CDC42BPA: variants seen among roughly 807,000 people sequenced by gnomAD.
CDC42BPA encodes CDC42 binding protein kinase alpha, also known as serine/threonine-protein kinase MRCK alpha.
CDC42BPA carries 80 observed loss-of-function variants against 223.5 expected under a neutral mutation model. The ratio of observed to expected loss-of-function variants is 0.36; its 90% CI spans 0.30 to 0.43. CDC42BPA has a LOEUF of 0.43. CDC42BPA is among the 20% of genes least tolerant of loss of function. The pLI is 1.00. For missense variants in CDC42BPA, 1,743 were observed against 2,099.9 expected (o/e 0.83, Z 3.32); for synonymous variants, 694 against 718.6 (o/e 0.97, Z 0.55).
chr1:227,109,756 G>A (rs1686597793), intron 14 of CDC42BPA, among the ~76,000 whole-genome samples: 1 of 151,092 alleles, frequency 6.6e-6, no homozygotes, highest in Non-Finnish European at 1.5e-5. Context: ...TAAAAATTAA[G>A]ACACAAACAC....
intron 22 of CDC42BPA, among the ~76,000 whole-genome samples, chr1:227,050,495 C>T (rs1929867): frequency 0.13 from 19,645 of 152,090 alleles, 1,343 homozygotes; most frequent in East Asian, 0.26. Context: ...TTTGCAAAAA[C>T]AGATATTAGG....
In CDC42BPA at chr1:226,994,794, A is replaced by T; in HGVS notation, c.5133+29T>A. On this transcript the variant is annotated intron_variant, in intron 36 of 36. Transcript: ENST00000366766. The surrounding 1 kb of genome is among the most constrained non-coding windows in gnomAD (Gnocchi z 4.0). ...GAAGATGCCCTAGTCTTTCTGATAC[A>T]TGACGTCTCCGGAACCCTGCCCACT... is the stretch of plus-strand genomic sequence containing the variant. 1 of 1,580,752 alleles carries T rather than the reference A, an allele frequency of 6.3e-7. No homozygotes were observed. Among genetic ancestry groups the T allele is most frequent in the South Asian group, 1.2e-5 (1 of 86,406 alleles).
intron 17 of CDC42BPA, among the ~76,000 whole-genome samples, chr1:227,079,978 G>C (rs1043113248): frequency 3.3e-5 from 5 of 151,172 alleles, no homozygotes; most frequent in African/African-American, 1.2e-4. Context: ...TAGCCTGAAG[G>C]TTAACTTTTT....
At chr1:227,020,806 T>G (rs1360314932) in intron 32 of CDC42BPA, among the ~76,000 whole-genome samples, 1 of 152,256 alleles carries the variant, frequency 6.6e-6, no homozygotes, top group Non-Finnish European at 1.5e-5. Flanking sequence ...GAGGCCTAGC[T>G]TGCAGCCTAT....
chr1:227,137,482 T>C (rs1395012186), intron 10 of CDC42BPA, among the ~76,000 whole-genome samples: 3 of 152,066 alleles, frequency 2.0e-5, no homozygotes, highest in East Asian at 3.8e-4. Context: ...AATCCTCTAC[T>C]ATATGGCCCA....
intron 15 of CDC42BPA, among the ~76,000 whole-genome samples, chr1:227,095,491 T>C (rs971385975): frequency 1.3e-5 from 2 of 152,130 alleles, no homozygotes; most frequent in Non-Finnish European, 2.9e-5. Flanking sequence ...AAAATGATAG[T>C]TCTGTGGATC....
At chr1:227,244,262 T>C (rs1680513848) in intron 2 of CDC42BPA, among the ~76,000 whole-genome samples, 1 of 152,090 alleles carries the variant, frequency 6.6e-6, no homozygotes, top group Admixed American at 6.6e-5. Flanking sequence ...CCAAAAACCA[T>C]AAACAACTTG....
rs1039074923 is a variant in CDC42BPA, at chr1:227,059,454, C to T, written c.2905-7469G>A. On this transcript the variant is annotated intron_variant, in intron 21 of 36. Transcript: ENST00000366766. Reference sequence around the variant, plus strand: ...GAATAGGACATGTTACAAATATTTACACACATAAGACTCTCAAGGACTACT... The same window carrying T: ...GAATAGGACATGTTACAAATATTTATACACATAAGACTCTCAAGGACTACT... The T allele has an allele frequency of 1.1e-5, 17 of 1,497,194 alleles. No individual in the cohort carries two copies. In the Admixed American group the frequency reaches 1.4e-4, roughly 12 times the overall value. 92.7% of individuals were successfully genotyped at this position (1,497,194 alleles called of 1,614,324 possible).
At chr1:227,146,134 G>A (rs1183740102) in intron 7 of CDC42BPA, among the ~76,000 whole-genome samples, 3 of 152,030 alleles carry the variant, frequency 2.0e-5, no homozygotes, top group Non-Finnish European at 4.4e-5. Context: ...GACATAATAT[G>A]TATCTGACAC....
chr1:227,140,031 T>A (rs10916091), intron 9 of CDC42BPA, among the ~76,000 whole-genome samples: 1 of 152,104 alleles, frequency 6.6e-6, no homozygotes, highest in Non-Finnish European at 1.5e-5. Flanking sequence ...ATTATAAAAT[T>A]AAGTTTGCTG....
intron 5 of CDC42BPA, among the ~76,000 whole-genome samples, chr1:227,184,791 G>C (rs73090612): frequency 0.16 from 24,436 of 152,028 alleles, 2,473 homozygotes; most frequent in African/African-American, 0.28. Flanking sequence ...TAAAGACTAA[G>C]TCTGTAGATC....
chr1:227,031,233 A>G, intron 28 of CDC42BPA, 65 bp downstream of exon 28: 1 of 1,297,068 alleles, frequency 7.7e-7, no homozygotes, highest in Non-Finnish European at 1.1e-6. Context: ...ATGAAAGCCA[A>G]TCCCTGTTCT....
chr1:227,221,572 A>G (rs1303133180), intron 2 of CDC42BPA, among the ~76,000 whole-genome samples: 5 of 138,064 alleles, frequency 3.6e-5, no homozygotes, highest in Non-Finnish European at 7.7e-5. Flanking sequence ...CTAGTTCAAG[A>G]CCTCATTATT....
intron 15 of CDC42BPA, among the ~76,000 whole-genome samples, chr1:227,096,647 G>A (rs11578904): frequency 1.6e-3 from 248 of 152,274 alleles, no homozygotes; most frequent in Non-Finnish European, 2.8e-3. Flanking sequence ...TGACTTCAGG[G>A]ATCCCATGCT....
At chr1:227,156,817 T>C (rs766025069) in intron 6 of CDC42BPA, among the ~76,000 whole-genome samples, 6 of 152,154 alleles carry the variant, frequency 3.9e-5, no homozygotes, top group Non-Finnish European at 8.8e-5. Flanking sequence ...GGAGAATCAC[T>C]AGCTCTCTCC....
chr1:227,056,926 A>G (rs1218641194), intron 21 of CDC42BPA, among the ~76,000 whole-genome samples: 2 of 152,200 alleles, frequency 1.3e-5, no homozygotes, highest in Non-Finnish European at 2.9e-5. Flanking sequence ...CAAATGACTA[A>G]AGGTTGTGAC....
intron 35 of CDC42BPA, among the ~76,000 whole-genome samples, chr1:226,995,554 T>A (rs1661444511): frequency 6.6e-6 from 1 of 152,090 alleles, no homozygotes; most frequent in South Asian, 2.1e-4. Context: ...TCTAGAAAAT[T>A]TTCATAAAAC....
rs1212506193 is a variant in CDC42BPA, at chr1:227,234,930, C to T, written c.270+19134G>A. On this transcript the variant is annotated intron_variant, in intron 2 of 36. Transcript: ENST00000366766. ...TTTTGTGATTTTTTTTTTTTTTTAGCTCATTAGCTATCGTTAGTGTTAGTG... is the reference window on the plus strand; with the variant it reads ...TTTTGTGATTTTTTTTTTTTTTTAGTTCATTAGCTATCGTTAGTGTTAGTG... The T allele has an allele frequency of 2.4e-4, 35 of 146,482 alleles. 1 individual carries two copies. Among genetic ancestry groups the T allele is most frequent in the Admixed American group, 2.2e-3 (32 of 14,750 alleles). 9.1% of individuals were successfully genotyped at this position (146,482 alleles called of 1,614,324 possible). A position where few individuals can be genotyped will look rare whatever the true frequency, so the allele number is the denominator to read the frequency against.
In CDC42BPA at chr1:226,994,671, G is replaced by T; in HGVS notation, c.5133+152C>A. Reference sequence around the variant, plus strand: ...GAAAACTGCAGTTTGCAGCCCGAGTGACTGGCCTAGCTGCCCGCTGGCCAA... The same window carrying T: ...GAAAACTGCAGTTTGCAGCCCGAGTTACTGGCCTAGCTGCCCGCTGGCCAA... On this transcript the variant is annotated intron_variant, in intron 36 of 36. Transcript: ENST00000366766. The surrounding 1 kb of genome is among the most constrained non-coding windows in gnomAD (Gnocchi z 4.0). 1 of 843,882 alleles carries T rather than the reference G, an allele frequency of 1.2e-6. No individual in the cohort carries two copies. Among genetic ancestry groups the T allele is most frequent in the Non-Finnish European group, 1.8e-6 (1 of 545,210 alleles). The allele number at this position is 843,882 out of a possible 1,614,324, so 52.3% of individuals were successfully genotyped here.
Sources: allele counts gnomAD v4.1 joint callset (sites outside exome capture counted in the v4.1 genomes callset), GRCh38; gene constraint gnomAD v4.1.1; non-coding constraint Gnocchi (gnomAD v3.1); transcripts MANE v1.5; gene names NCBI Gene and HGNC (gene_info 2026-07-23, HGNC 2026-07-21).